The following LIPK variants were observed in gnomAD, a reference collection of about 807,000 sequenced individuals.
LIPK encodes the protein lipase member K.
LIPK carries 32 observed loss-of-function variants against 48.6 expected under a neutral mutation model. The observed-to-expected ratio is 0.66, with a 90% CI of 0.50 to 0.88. The LOEUF (loss-of-function observed/expected upper bound fraction) is 0.88. Among genes scored for constraint, LIPK ranks in the 40% least tolerant of loss-of-function variants. The pLI is 0.00. For missense variants in LIPK, 507 were observed against 478.5 expected (o/e 1.06, Z -0.56); for synonymous variants, 164 against 157.4 (o/e 1.04, Z -0.32).
At chr10:88,722,808 G>T (rs1215278057) in intron 1 of LIPK, among the ~76,000 whole-genome samples, 1 of 150,548 alleles carries the variant, frequency 6.6e-6, no homozygotes, top group Non-Finnish European at 1.5e-5. Flanking sequence ...ACTTGACTTT[G>T]TAAGACCCAG....
At chr10:88,716,393 T>C (rs1842119407) in intron 1 of LIPK, among the ~76,000 whole-genome samples, 1 of 150,004 alleles carries the variant, frequency 6.7e-6, no homozygotes, top group African/African-American at 2.5e-5. Flanking sequence ...AGTCTCATTC[T>C]GTCATTCAGG....
Position 88,718,036 on chromosome 10 carries a change from T to A in LIPK, c.-11-6497T>A, listed in dbSNP as rs114292205. Among the ~76,000 whole-genome samples, 1,278 of 152,016 alleles carry A rather than the reference T, an allele frequency of 8.4e-3. 21 individuals carry two copies. Among genetic ancestry groups the A allele is most frequent in the African/African-American group, 0.029 (1,210 of 41,538 alleles). On this transcript the variant is annotated intron_variant, in intron 1 of 9. Transcript: ENST00000404190. ...CCTTCTTAAGATCATATAGGTAATA[T>A]CGATTCATTATAAATATGGACCTTT...
At chr10:88,711,089 C>T (rs537632008) in intron 1 of LIPK, among the ~76,000 whole-genome samples, 1 of 152,094 alleles carries the variant, frequency 6.6e-6, no homozygotes, top group South Asian at 2.1e-4. Flanking sequence ...ATTGACCTTC[C>T]ATCTATTCTC....
intron 1 of LIPK, among the ~76,000 whole-genome samples, chr10:88,723,839 G>T (rs1453003872): frequency 6.6e-6 from 1 of 151,728 alleles, no homozygotes; most frequent in Non-Finnish European, 1.5e-5. Flanking sequence ...TTTGAAGTCT[G>T]TTTTTCCCTA....
chr10:88,750,120 C>A (rs928039148), intron 9 of LIPK, among the ~76,000 whole-genome samples: 4 of 152,072 alleles, frequency 2.6e-5, no homozygotes, highest in Admixed American at 6.6e-5. Flanking sequence ...CATCTCACAC[C>A]AGTCAGAATG....
At chr10:88,730,006 G>T (rs1842432111) in intron 3 of LIPK, among the ~76,000 whole-genome samples, 1 of 151,966 alleles carries the variant, frequency 6.6e-6, no homozygotes, top group African/African-American at 2.4e-5. Context: ...ATTGGGAATA[G>T]GATTTTTGTA....
At chr10:88,736,542 C>T (rs1403878676) in intron 6 of LIPK, among the ~76,000 whole-genome samples, 1 of 151,866 alleles carries the variant, frequency 6.6e-6, no homozygotes, top group African/African-American at 2.4e-5. Flanking sequence ...GATTGTCACA[C>T]AAATAAATAA....
rs780634631 is a variant in LIPK at position 88,737,768 on chromosome 10, A to C, written c.803A>C (p.Gln268Pro). The C allele has an allele frequency of 3.8e-5, 62 of 1,613,810 alleles. No homozygotes were observed. The Admixed American group carries it at 1.0e-3, about 26-fold the overall frequency. ...FLFTLSGFDP[Q>P]NLNMSRLDVY... Reference sequence around the variant, plus strand: ...TTTACTCTGAGTGGATTTGATCCGCAAAACTTAAATATGGTAGGTGTAAGT... The same window carrying C: ...TTTACTCTGAGTGGATTTGATCCGCCAAACTTAAATATGGTAGGTGTAAGT... The change falls in exon 7 of 10, where the codon CAA becomes CCA. Residue 268 changes from glutamine to proline, a missense_variant. Physicochemically the swap from Gln to Pro is moderately conservative, Grantham distance 76 (BLOSUM62 -1). Transcript: ENST00000404190.
intron 3 of LIPK, chr10:88,727,836 C>A: frequency 2.8e-6 from 1 of 361,678 alleles, no homozygotes; most frequent in Non-Finnish European, 5.4e-6. Context: ...AACAAGTTTG[C>A]CTCCTTCATT....
chr10:88,743,427 G>A, intron 9 of LIPK, 106 bp downstream of exon 9: 1 of 734,580 alleles, frequency 1.4e-6, no homozygotes, highest in East Asian at 2.8e-5. Context: ...ACTGGATATT[G>A]CTTATTGCTG....
At chr10:88,749,518 T>C (rs1769702) in intron 9 of LIPK, among the ~76,000 whole-genome samples, 36,293 of 152,090 alleles carry the variant, frequency 0.24, 4,476 homozygotes, top group East Asian at 0.35. Flanking sequence ...GGGGAAAGGA[T>C]GGTCTATTCA....
In LIPK at chr10:88,724,649, G is replaced by C. The variant is rs374391038; in HGVS notation, c.105+1G>C. The C allele has an allele frequency of 4.5e-6, 7 of 1,550,104 alleles. No individual in the cohort carries two copies. The highest frequency in any genetic ancestry group is 6.1e-6 in the Non-Finnish European group (7 of 1,154,512). On this transcript the variant is annotated splice_donor_variant, in intron 2 of 9. Coordinates refer to ENST00000404190, the MANE Select transcript of LIPK (RefSeq NM_001080518.2). LOFTEE classifies it high-confidence loss of function. Reference sequence around the variant, plus strand: ...AAACCCTGAAGCTAATATGAATATTGTAAGTCATTTATTCAGAAAAAAATG... The same window carrying C: ...AAACCCTGAAGCTAATATGAATATTCTAAGTCATTTATTCAGAAAAAAATG...
chr10:88,748,920 C>T (rs1184002015), intron 9 of LIPK, among the ~76,000 whole-genome samples: 1 of 142,092 alleles, frequency 7.0e-6, no homozygotes, highest in Non-Finnish European at 1.5e-5. Flanking sequence ...AGGCTCCTTA[C>T]ACTGATAAAT....
intron 2 of LIPK, among the ~76,000 whole-genome samples, chr10:88,726,356 C>G (rs1162923482): frequency 6.6e-6 from 1 of 152,162 alleles, no homozygotes; most frequent in Non-Finnish European, 1.5e-5. Context: ...CATGCCGTCA[C>G]GGCACATAGA....
chr10:88,724,138 T>A (rs1200850297), intron 1 of LIPK, among the ~76,000 whole-genome samples: 1 of 152,210 alleles, frequency 6.6e-6, no homozygotes, highest in African/African-American at 2.4e-5. Flanking sequence ...TGCCAATGAT[T>A]AACTCTACCA....
chr10:88,740,751 C>T (rs1465666639), intron 8 of LIPK, among the ~76,000 whole-genome samples: 2 of 152,132 alleles, frequency 1.3e-5, no homozygotes, highest in African/African-American at 2.4e-5. Flanking sequence ...ACAAAATATA[C>T]ATAATTCTAT....
At chr10:88,752,347 C>T (rs988040894) in intron 9 of LIPK, among the ~76,000 whole-genome samples, 170 bp from the exon 10 acceptor site, 10 of 152,018 alleles carry the variant, frequency 6.6e-5, no homozygotes, top group South Asian at 6.2e-4. Flanking sequence ...TATTACTGCA[C>T]GAGAATGGTT....
chr10:88,751,564 A>T (rs1842863438), intron 9 of LIPK, among the ~76,000 whole-genome samples: 1 of 152,142 alleles, frequency 6.6e-6, no homozygotes, highest in African/African-American at 2.4e-5. Flanking sequence ...TCATCATAAC[A>T]ACTACTATAA....
intron 2 of LIPK, 83 bp downstream of exon 2, chr10:88,724,731 T>C (rs1842301030): frequency 2.2e-6 from 2 of 924,798 alleles, no homozygotes; most frequent in African/African-American, 1.7e-5. Context: ...TGTGCCTTCT[T>C]AGTTTTCAGC....
Sources: allele counts gnomAD v4.1 joint callset (sites outside exome capture counted in the v4.1 genomes callset), GRCh38; gene constraint gnomAD v4.1.1; transcripts MANE v1.5; gene names NCBI Gene and HGNC (gene_info 2026-07-23, HGNC 2026-07-21).